The following ANKRD36C variants were observed in gnomAD, a reference collection of about 807,000 sequenced individuals.
ANKRD36C encodes ankyrin repeat domain-containing protein 36C.
ANKRD36C carries 61 observed loss-of-function variants against 276.4 expected under a neutral mutation model. The ratio of observed to expected loss-of-function variants is 0.22; its 90% CI spans 0.18 to 0.27. The LOEUF (loss-of-function observed/expected upper bound fraction) is 0.27. Among genes scored for constraint, ANKRD36C ranks in the 10% least tolerant of loss-of-function variants. The probability of loss-of-function intolerance (pLI) is 1.00; values close to 1 mark genes in which losing one functional copy is unlikely to be tolerated. For missense variants in ANKRD36C, 1,447 were observed against 2,032.3 expected (o/e 0.71, Z 5.54); for synonymous variants, 483 against 680.1 (o/e 0.71, Z 4.51).
At chr2:95,870,537 A>G (rs1400607203) in intron 59 of ANKRD36C, among the ~76,000 whole-genome samples, 1 of 152,154 alleles carries the variant, frequency 6.6e-6, no homozygotes, top group Non-Finnish European at 1.5e-5. Flanking sequence ...TCAAAGACCA[A>G]AAGTAGATAA....
intron 59 of ANKRD36C, among the ~76,000 whole-genome samples, chr2:95,870,029 C>T (rs1675769720): frequency 6.6e-6 from 1 of 152,234 alleles, no homozygotes. Context: ...CTGGGTGGAG[C>T]CCACCACAGC....
chr2:95,965,580 T>C (rs1678571660), intron 6 of ANKRD36C, among the ~76,000 whole-genome samples: 2 of 152,156 alleles, frequency 1.3e-5, no homozygotes, highest in South Asian at 2.1e-4. Flanking sequence ...GGATTTCCCA[T>C]ACTTCTGTTT....
At chr2:95,853,778 C>G in exon 64 of ANKRD36C, 1 of 1,604,546 alleles carries the variant, frequency 6.2e-7, no homozygotes, top group East Asian at 2.2e-5. Flanking sequence ...TGCAGTGACG[C>G]GATGAAGCAT....
intron 16 of ANKRD36C, among the ~76,000 whole-genome samples, chr2:95,949,613 A>T (rs1678143115): frequency 6.6e-6 from 1 of 152,264 alleles, no homozygotes; most frequent in African/African-American, 2.4e-5. Flanking sequence ...TCTTTCTAAA[A>T]CTAAAATCAC....
intron 46 of ANKRD36C, among the ~76,000 whole-genome samples, chr2:95,891,311 C>A (rs540523632): frequency 2.6e-5 from 4 of 151,452 alleles, no homozygotes; most frequent in Non-Finnish European, 5.9e-5. Flanking sequence ...CTTGGCAGTA[C>A]AATCTGAAGT....
intron 58 of ANKRD36C, among the ~76,000 whole-genome samples, chr2:95,879,645 T>C (rs112414504): frequency 0.12 from 18,197 of 151,972 alleles, 1,628 homozygotes; most frequent in African/African-American, 0.26. Context: ...TCAGAACATC[T>C]GATTGGCTTA....
At chr2:95,862,160 C>A (rs1314021035) in intron 60 of ANKRD36C, among the ~76,000 whole-genome samples, 2 of 151,878 alleles carry the variant, frequency 1.3e-5, no homozygotes, top group Non-Finnish European at 2.9e-5. Context: ...GTTTCAATAC[C>A]CTTTACTCAA....
intron 6 of ANKRD36C, among the ~76,000 whole-genome samples, chr2:95,965,188 T>C (rs1389941911): frequency 6.6e-6 from 1 of 151,786 alleles, no homozygotes; most frequent in Non-Finnish European, 1.5e-5. Flanking sequence ...AATTATTCTA[T>C]TTACAGTTTT....
intron 54 of ANKRD36C, among the ~76,000 whole-genome samples, chr2:95,882,890 A>G (rs569275608): frequency 1.3e-5 from 2 of 152,150 alleles, no homozygotes; most frequent in Middle Eastern, 3.2e-3. Flanking sequence ...AGACATCAGA[A>G]GGATTTATAC....
chr2:95,891,799 A>C, intron 45 of ANKRD36C, 33 bp downstream of exon 65: 3 of 1,559,160 alleles, frequency 1.9e-6, no homozygotes, highest in Non-Finnish European at 2.6e-6. Context: ...CTATACATTT[A>C]CTAGTTCACA....
chr2:95,896,804 C>T (rs1200423333), intron 44 of ANKRD36C, among the ~76,000 whole-genome samples: 1 of 149,862 alleles, frequency 6.7e-6, no homozygotes, highest in South Asian at 2.1e-4. Context: ...CACCTTCCTG[C>T]CTCACAATCC....
At chr2:95,945,675 A>G (rs1202243561) in intron 17 of ANKRD36C, among the ~76,000 whole-genome samples, 1 of 152,236 alleles carries the variant, frequency 6.6e-6, no homozygotes, top group Non-Finnish European at 1.5e-5. Flanking sequence ...CTAAAAACAA[A>G]TTATTGTATA....
chr2:95,889,426 CCT>C (rs1199159406), intron 48 of ANKRD36C, among the ~76,000 whole-genome samples: 1 of 151,440 alleles, frequency 6.6e-6, no homozygotes, highest in Non-Finnish European at 1.5e-5. Context: ...ATCACTTTTC[CCT>C]CTGTTTATCA....
intron 34 of ANKRD36C, among the ~76,000 whole-genome samples, chr2:95,918,675 T>C (rs1432620682): frequency 1.3e-5 from 2 of 151,682 alleles, no homozygotes; most frequent in African/African-American, 4.8e-5. Context: ...AGTTTATCCC[T>C]CCAAAACTTT....
chr2:95,884,214 T>C, exon 54 of ANKRD36C: 1 of 1,609,838 alleles, frequency 6.2e-7, no homozygotes, highest in Non-Finnish European at 8.5e-7. Context: ...TCTGGCTATA[T>C]TCGAAACAGA....
chr2:95,956,746 T>TATCACTTTAAAA (rs1558655767), intron 13 of ANKRD36C, 40 bp downstream of exon 13: 1 of 1,519,260 alleles, frequency 6.6e-7, no homozygotes, highest in African/African-American at 1.4e-5. Flanking sequence ...CTCTATTAAC[T>TATCACTTTAAAA]AAGTTAACAT....
rs1676175900 is a variant in ANKRD36C at position 95,885,378 on chromosome 2, A to T, written c.3163+670T>A. Among the ~76,000 whole-genome samples the T allele has an allele frequency of 2.0e-5, 3 of 151,942 alleles. No homozygotes were observed. The South Asian group carries it at 6.2e-4, about 32-fold the overall frequency. On this transcript the variant is annotated intron_variant, in intron 52 of 66. Coordinates refer to ENST00000456556, the Ensembl canonical transcript of ANKRD36C. The stretch of plus-strand genomic sequence containing the variant: ...AAAACGTGTATCTCTGATGCCTAAC[A>T]GTAACAAAGAGGAGTAACGAGTCAG...
At chr2:95,890,315 T>C (rs1676311349) in intron 46 of ANKRD36C, among the ~76,000 whole-genome samples, 1 of 151,554 alleles carries the variant, frequency 6.6e-6, no homozygotes, top group Non-Finnish European at 1.5e-5. Flanking sequence ...GAGCAATTCA[T>C]ACACCTGAGA....
At chr2:95,897,583 T>C in intron 44 of ANKRD36C, 118 bp from the exon 59 acceptor site, 1 of 1,296,224 alleles carries the variant, frequency 7.7e-7, no homozygotes. Context: ...TAGGCTTTGA[T>C]GGCTTCTACT....
Sources: allele counts gnomAD v4.1 joint callset (sites outside exome capture counted in the v4.1 genomes callset), GRCh38; gene constraint gnomAD v4.1.1; transcripts MANE v1.5; gene names NCBI Gene and HGNC (gene_info 2026-07-23, HGNC 2026-07-21).